The following COL19A1 variants were observed in gnomAD, a reference collection of about 807,000 sequenced individuals.
The protein encoded by COL19A1 is collagen alpha-1(XIX) chain.
In COL19A1, 159 loss-of-function variants were observed where a neutral mutation model predicts 190.2. The observed-to-expected ratio is 0.84, with a 90% CI of 0.73 to 0.95. The LOEUF (loss-of-function observed/expected upper bound fraction) is 0.95. COL19A1 is among the 40% of genes least tolerant of loss of function. The pLI, the probability that COL19A1 is intolerant of heterozygous loss-of-function variation, is 0.00. For synonymous variants in COL19A1, 509 were observed against 458.9 expected (o/e 1.11, Z -1.39); for missense variants, 1,418 against 1,431.9 (o/e 0.99, Z 0.16).
At chr6:70,061,372 T>C (rs1218951891) in intron 14 of COL19A1, among the ~76,000 whole-genome samples, 2 of 151,952 alleles carry the variant, frequency 1.3e-5, no homozygotes, top group African/African-American at 2.4e-5. Context: ...AAAAAGAATT[T>C]CCTCAACTTC....
chr6:70,204,933 C>T (rs1289328706), intron 49 of COL19A1, among the ~76,000 whole-genome samples: 2 of 152,032 alleles, frequency 1.3e-5, no homozygotes, highest in Non-Finnish European at 2.9e-5. Flanking sequence ...TCAAATGACC[C>T]TAAGTATATA....
chr6:69,887,336 A>G (rs563578932), intron 2 of COL19A1, among the ~76,000 whole-genome samples: 21 of 152,264 alleles, frequency 1.4e-4, no homozygotes, highest in Admixed American at 1.3e-3. Flanking sequence ...ATAAGAATGG[A>G]GTTTTTTTGA....
chr6:70,069,162 C>T (rs565398066), intron 15 of COL19A1, among the ~76,000 whole-genome samples: 1 of 152,204 alleles, frequency 6.6e-6, no homozygotes, highest in African/African-American at 2.4e-5. Context: ...TTATGGCAGT[C>T]TTTGTACTAA....
intron 16 of COL19A1, among the ~76,000 whole-genome samples, chr6:70,106,329 C>CGTGTGT (rs55854953): frequency 4.9e-4 from 73 of 149,444 alleles, no homozygotes; most frequent in African/African-American, 1.6e-3. Flanking sequence ...TAAGTGTGTG[C>CGTGTGT]GTGTGTGTGT....
At chr6:69,904,041 C>T (rs1301177395) in intron 4 of COL19A1, among the ~76,000 whole-genome samples, 2 of 152,196 alleles carry the variant, frequency 1.3e-5, no homozygotes, top group East Asian at 3.8e-4. Context: ...TCCTTGAGGG[C>T]TGCCATAGCA....
intron 46 of COL19A1, among the ~76,000 whole-genome samples, chr6:70,186,764 A>T (rs551350223): frequency 3.9e-5 from 6 of 152,316 alleles, no homozygotes; most frequent in Admixed American, 2.0e-4. Flanking sequence ...ACAGTAGTAG[A>T]CACATTCCAG....
chr6:70,207,435 A>T lies in COL19A1; in HGVS notation c.*161A>T. On this transcript the variant is annotated 3_prime_UTR_variant, in exon 51 of 51. Transcript: ENST00000620364. ...GCAACCGTTTGAATCCTATTCCTAT[A>T]GCAATTGCAAATCAGCATTTTTTGA... 3 of 550,484 alleles carry T rather than the reference A, an allele frequency of 5.4e-6. No individual in the cohort carries two copies. The highest frequency in any genetic ancestry group is 8.2e-6 in the Non-Finnish European group (3 of 366,168). The allele number at this position is 550,484 out of a possible 1,614,324, so 34.1% of individuals were successfully genotyped here.
At chr6:69,935,004 T>C (rs542313171) in intron 7 of COL19A1, among the ~76,000 whole-genome samples, 1 of 152,134 alleles carries the variant, frequency 6.6e-6, no homozygotes, top group South Asian at 2.1e-4. Flanking sequence ...TTTCTGGTTG[T>C]CAATATTTTA....
chr6:70,101,689 G>A (rs932395755), intron 15 of COL19A1, among the ~76,000 whole-genome samples: 9 of 151,982 alleles, frequency 5.9e-5, no homozygotes, highest in Admixed American at 1.3e-4. Flanking sequence ...TCCGACCCCC[G>A]GGATTCTAAA....
In COL19A1 at chr6:70,151,267, G is replaced by A. The variant is rs1787040379; in HGVS notation, c.2038-130G>A. 3 of 777,514 alleles carry A rather than the reference G, an allele frequency of 3.9e-6. No individual in the cohort carries two copies. The African/African-American group carries it at 5.3e-5, about 14-fold the overall frequency. The allele number at this position is 777,514 out of a possible 1,614,324, so 48.2% of individuals were successfully genotyped here. ...TTATACGAAACATAATGTTAAGCCA[G>A]TGATTCTAAAGTGAGACACCAGAAG... On this transcript the variant is annotated intron_variant, in intron 30 of 50. Coordinates refer to ENST00000620364, the MANE Select transcript of COL19A1 (RefSeq NM_001858.6).
chr6:70,199,422 C>G (rs1767406645), intron 48 of COL19A1, among the ~76,000 whole-genome samples, 186 bp from the exon 49 acceptor site: 1 of 152,240 alleles, frequency 6.6e-6, no homozygotes, highest in Non-Finnish European at 1.5e-5. Context: ...CATCTATACA[C>G]AAACAACTTT....
intron 14 of COL19A1, among the ~76,000 whole-genome samples, chr6:70,060,481 T>A (rs981556649): frequency 6.7e-6 from 1 of 148,744 alleles, no homozygotes; most frequent in African/African-American, 2.5e-5. Flanking sequence ...GCAAGCTTCA[T>A]CTGTATCTAC....
intron 9 of COL19A1, among the ~76,000 whole-genome samples, chr6:69,942,674 G>A (rs9360410): frequency 0.48 from 71,953 of 151,420 alleles, 17,479 homozygotes; most frequent in East Asian, 0.72. Flanking sequence ...ATTCTGACTC[G>A]TCCATGTTGC....
At chr6:69,903,142 ACTAT>A (rs1770297849) in intron 4 of COL19A1, among the ~76,000 whole-genome samples, 1 of 152,062 alleles carries the variant, frequency 6.6e-6, no homozygotes, top group Admixed American at 6.5e-5. Flanking sequence ...TTTGGTGATC[ACTAT>A]CTACACTGCC....
intron 11 of COL19A1, among the ~76,000 whole-genome samples, chr6:69,967,928 G>A (rs1183031170): frequency 3.6e-5 from 5 of 138,776 alleles, no homozygotes; most frequent in African/African-American, 1.6e-4. Context: ...GTAGCGTAAA[G>A]TACACGTAGC....
intron 11 of COL19A1, among the ~76,000 whole-genome samples, chr6:69,998,644 CAAAA>C (rs34860121): frequency 5.9e-5 from 4 of 67,268 alleles, no homozygotes; most frequent in African/African-American, 1.5e-4. Context: ...GACTCCCTCT[CAAAA>C]AAAAAAAAAA....
At chr6:70,114,831 A>T (rs1275824139) in intron 16 of COL19A1, among the ~76,000 whole-genome samples, 2 of 152,200 alleles carry the variant, frequency 1.3e-5, no homozygotes, top group Admixed American at 6.6e-5. Flanking sequence ...AACTCATTAG[A>T]TTCTATTTTC....
intron 1 of COL19A1, among the ~76,000 whole-genome samples, chr6:69,869,125 A>C (rs538532107): frequency 6.6e-6 from 1 of 152,238 alleles, no homozygotes; most frequent in South Asian, 2.1e-4. Context: ...CAGGCAGAGA[A>C]TAACTAGCTT....
chr6:69,964,389 C>G (rs927707252), intron 11 of COL19A1, among the ~76,000 whole-genome samples: 1 of 152,086 alleles, frequency 6.6e-6, no homozygotes, highest in Non-Finnish European at 1.5e-5. Flanking sequence ...AAGGCCATGT[C>G]TTTAAATAAA....
Sources: allele counts gnomAD v4.1 joint callset (sites outside exome capture counted in the v4.1 genomes callset), GRCh38; gene constraint gnomAD v4.1.1; transcripts MANE v1.5; gene names NCBI Gene and HGNC (gene_info 2026-07-23, HGNC 2026-07-21).